RNF40: variants seen among roughly 807,000 people sequenced by gnomAD.
The protein encoded by RNF40 is E3 ubiquitin-protein ligase BRE1B.
In RNF40, 39 loss-of-function variants were observed where a neutral mutation model predicts 123.3. The observed-to-expected ratio is 0.32, with a 90% CI of 0.24 to 0.41. The LOEUF is 0.41. Ranked by LOEUF, RNF40 falls within the 10% of genes least tolerant of loss-of-function variation. The probability of loss-of-function intolerance (pLI) is 1.00; values close to 1 mark genes in which losing one functional copy is unlikely to be tolerated. For missense variants in RNF40, 1,003 were observed against 1,319.9 expected (o/e 0.76, Z 3.72); for synonymous variants, 538 against 526.0 (o/e 1.02, Z -0.31).
intron 17 of RNF40, among the ~76,000 whole-genome samples, chr16:30,770,751 G>T (rs1482201255): frequency 6.6e-6 from 1 of 152,012 alleles, no homozygotes; most frequent in Non-Finnish European, 1.5e-5. Context: ...TAGCTCTGTT[G>T]CCCAGGCTGG....
At chr16:30,761,841 C>A, upstream of RNF40, 1 of 1,234,014 alleles carries the variant, frequency 8.1e-7, no homozygotes, top group Non-Finnish European at 1.1e-6. Flanking sequence ...CAAGGCCGGG[C>A]CCGTTCGCCT....
In RNF40 at chr16:30,768,439, G is replaced by A. The variant is rs371990879; in HGVS notation, c.1888G>A (p.Ala630Thr). 57 of 1,613,202 alleles carry A rather than the reference G, an allele frequency of 3.5e-5. No individual in the cohort carries two copies. The highest frequency in any genetic ancestry group is 1.0e-4 in the Admixed American group (6 of 59,852). ...PSLGPPPVAS[A>T]LSRADREKAK... is the part of the protein sequence containing the mutation. Reference sequence around the variant, plus strand: ...CCTAGGACCTCCACCTGTAGCCTCCGCTCTCTCAAGGGCTGATCGGGAGAA... The same window carrying A: ...CCTAGGACCTCCACCTGTAGCCTCCACTCTCTCAAGGGCTGATCGGGAGAA... The change falls in exon 13 of 20, where the codon GCT (alanine) becomes ACT (threonine). Residue 630 changes from alanine (A) to threonine (T), a missense_variant. Around this residue, in one of 11 missense-constraint regions of RNF40, gnomAD observed 295 missense variants for 331.7 expected, o/e 0.89. Coordinates refer to ENST00000324685, the MANE Select transcript of RNF40 (RefSeq NM_014771.4). This position sits in a 1 kb window ranked among gnomAD's most constrained non-coding sequence, Gnocchi z 4.1.
At chr16:30,762,233 C>T, upstream of RNF40, 1 of 387,650 alleles carries the variant, frequency 2.6e-6, no homozygotes, top group Non-Finnish European at 4.6e-6. Context: ...AAGAAGTTTC[C>T]TCACATCCGG....
At position 30,771,915 on chromosome 16, in the gene RNF40, G is replaced by A. The variant is rs2054154788; in HGVS notation, c.2669G>A (p.Cys890Tyr). The A allele has an allele frequency of 1.2e-6, 2 of 1,609,304 alleles. No homozygotes were observed. The highest frequency in any genetic ancestry group is 1.7e-6 in the Non-Finnish European group (2 of 1,176,902). Residue 890 changes from cysteine (C) to tyrosine (Y), a missense_variant, in exon 18 of 20, where the codon TGC becomes TAC. Coordinates refer to ENST00000324685, the MANE Select transcript of RNF40 (RefSeq NM_014771.4). ...ACTCGGCTGCGGGAGATCCAGCCCT[G>A]CCTGGCAGAGAGCCGGGCTGCTCGT... ...VQTRLREIQPCLAESRAAREK... is the reference protein window; with the variant it reads ...VQTRLREIQPYLAESRAAREK...
chr16:30,763,352 G>T (rs2053933499), intron 3 of RNF40, 66 bp from the exon 4 acceptor site: 1 of 1,607,700 alleles, frequency 6.2e-7, no homozygotes, highest in Admixed American at 1.7e-5. Context: ...TCCCCTGCTA[G>T]GAAAGGAGTA....
rs372843648 is a variant in RNF40, at chr16:30,765,470, G to A, written c.964G>A (p.Gly322Arg). Residue 322 changes from glycine to arginine, a missense_variant, in exon 8 of 20, where the codon GGG becomes AGG. Coordinates refer to ENST00000324685, the MANE Select transcript of RNF40 (RefSeq NM_014771.4). ...YVSGSSSGFQ[G>R]GQITLSMQKF... Reference sequence around the variant, plus strand: ...ATCTGGGAGCTCCTCAGGCTTCCAGGGGGGCCAGATCACACTCAGCATGCA... The same window carrying A: ...ATCTGGGAGCTCCTCAGGCTTCCAGAGGGGCCAGATCACACTCAGCATGCA... The A allele has an allele frequency of 3.7e-6, 6 of 1,614,076 alleles. No homozygotes were observed. Among genetic ancestry groups the A allele is most frequent in the Non-Finnish European group, 5.1e-6 (6 of 1,180,010 alleles).
At chr16:30,772,261 A>T (rs1391169658) in intron 19 of RNF40, 71 bp downstream of exon 19, 1 of 1,253,964 alleles carries the variant, frequency 8.0e-7, no homozygotes, top group Non-Finnish European at 1.1e-6. Context: ...AGACTAGTGG[A>T]GAGTCTGGGG....
Position 30,768,917 on chromosome 16 carries a change from C to G in RNF40, c.2177C>G (p.Ala726Gly), listed in dbSNP as rs2054094648. 21 of 1,614,148 alleles carry G rather than the reference C, an allele frequency of 1.3e-5. No individual in the cohort carries two copies. The highest frequency in any genetic ancestry group is 1.8e-5 in the Non-Finnish European group (21 of 1,180,040). Residue 726 changes from alanine to glycine, a missense_variant, in exon 15 of 20, where the codon GCC becomes GGC. Physicochemically the swap from Ala to Gly is moderately conservative, Grantham distance 60. This residue lies in a region of RNF40 where 295 missense variants were observed against 331.7 expected (regional missense o/e 0.89). Transcript: ENST00000324685. The surrounding 1 kb of genome is among the most constrained non-coding windows in gnomAD (Gnocchi z 4.1). ...RESKKIADEDALRRIRQAEEQ... is the reference protein window; with the variant it reads ...RESKKIADEDGLRRIRQAEEQ... ...AGCAAGAAGATCGCGGATGAGGATGCCCTGCGGCGCATTCGGCAGGCAGAG... is the reference window on the plus strand; with the variant it reads ...AGCAAGAAGATCGCGGATGAGGATGGCCTGCGGCGCATTCGGCAGGCAGAG...
chr16:30,763,272 G>C lies in RNF40; in HGVS notation c.287G>C (p.Arg96Pro). Residue 96 changes from arginine (R) to proline (P), a missense_variant, in exon 3 of 20, where the codon CGC becomes CCC. Physicochemically the swap from Arg to Pro is moderately radical, Grantham distance 103. Transcript: ENST00000324685. ...TDDATLLIVN[R>P]YWAQLDETVE... ...GATGCCACACTCCTCATCGTCAATC[G>C]CTACTGGGCCCAGGTGGATACCTTC... 1 of 1,614,160 alleles carries C rather than the reference G, an allele frequency of 6.2e-7. No homozygotes were observed. The highest frequency in any genetic ancestry group is 8.5e-7 in the Non-Finnish European group (1 of 1,180,030).
At chr16:30,762,761 C>G (rs1028216186) in intron 2 of RNF40, 84 bp downstream of exon 2, 4 of 1,540,170 alleles carry the variant, frequency 2.6e-6, no homozygotes, top group Non-Finnish European at 2.6e-6. Context: ...ATCTTACACC[C>G]ACTTCCCCAA....
At chr16:30,767,308 G>A (rs528447617) in intron 11 of RNF40, among the ~76,000 whole-genome samples, 2 of 152,336 alleles carry the variant, frequency 1.3e-5, no homozygotes, top group African/African-American at 4.8e-5. Context: ...AATGGAAAAT[G>A]TGTTAGCTCT....
At chr16:30,761,937 A>C (rs1311583930), upstream of RNF40, 6 of 615,482 alleles carry the variant, frequency 9.7e-6, no homozygotes, top group East Asian at 1.8e-4. Flanking sequence ...ACGGTTGCCA[A>C]GGGGGCTTGT....
At chr16:30,767,035 C>T (rs1016732412) in intron 11 of RNF40, among the ~76,000 whole-genome samples, 159 bp downstream of exon 11, 15 of 152,290 alleles carry the variant, frequency 9.8e-5, no homozygotes, top group African/African-American at 3.6e-4. Context: ...GGCTCCCAGG[C>T]ACAGTGAGGG....
In RNF40 at chr16:30,775,028, C is replaced by G; in HGVS notation, c.*914C>G. ...GACACCCTGTGACTGAGCCTGTGTC[C>G]TGTCTGCCTGCCCAGCCATGCTCCA... On this transcript the variant is annotated 3_prime_UTR_variant, in exon 20 of 20. Coordinates refer to ENST00000324685, the MANE Select transcript of RNF40 (RefSeq NM_014771.4). 2.2e-6 allele frequency: 1 copy of G among 456,534 alleles called. No homozygotes were observed. 28.3% of individuals were successfully genotyped at this position (456,534 alleles called of 1,614,324 possible).
Position 30,774,137 on chromosome 16 carries a change from G to T in RNF40, c.*23G>T. ...TGAACCTGAAACTCAGGGGACTCTG[G>T]AACACCATGGACCCTGGGGGCTGTG... On this transcript the variant is annotated 3_prime_UTR_variant, in exon 20 of 20. Coordinates refer to ENST00000324685, the MANE Select transcript of RNF40 (RefSeq NM_014771.4). 6.2e-7 allele frequency: 1 copy of T among 1,603,334 alleles called. No homozygotes were observed. The highest frequency in any genetic ancestry group is 1.1e-5 in the South Asian group (1 of 89,886).
chr16:30,769,599 A>AGGTGAGGCTGGGCCAGG lies in RNF40; in HGVS notation c.2586+2_2586+18dup, dbSNP rs1182924190. Reference sequence around the variant, plus strand: ...CAAGCCCTGGAGCTCAACAAGCGGAAGGTGAGGCTGGGCCAGGGGGACACA... The same window carrying AGGTGAGGCTGGGCCAGG: ...CAAGCCCTGGAGCTCAACAAGCGGAAGGTGAGGCTGGGCCAGGGGTGAGGCTGGGCCAGGGGGACACA... On this transcript the variant is annotated frameshift_variant and splice_region_variant, in exon 17 of 20. Transcript: ENST00000324685. LOFTEE classifies it high-confidence loss of function. The AGGTGAGGCTGGGCCAGG allele has an allele frequency of 1.9e-5, 30 of 1,571,432 alleles. No individual in the cohort carries two copies. The highest frequency in any genetic ancestry group is 2.7e-5 in the African/African-American group (2 of 73,948).
chr16:30,775,650 C>G lies in RNF40; in HGVS notation c.*1536C>G, dbSNP rs1442483294. ...GCAATCGGCCTCGGGAGCGGTGCGG[C>G]GTGTACCGAGCGGCGCCCCTGGGCT... is the stretch of plus-strand genomic sequence containing the variant. On this transcript the variant is annotated 3_prime_UTR_variant, in exon 20 of 20. Transcript: ENST00000324685. 1.3e-5 allele frequency: 2 copies of G among 153,238 alleles called. No homozygotes were observed. The highest frequency in any genetic ancestry group is 3.9e-4 in the East Asian group (2 of 5,184). The allele number at this position is 153,238 out of a possible 1,614,324, so 9.5% of individuals were successfully genotyped here.
chr16:30,774,126 A>G lies in RNF40; in HGVS notation c.*12A>G, dbSNP rs1217043062. On this transcript the variant is annotated 3_prime_UTR_variant, in exon 20 of 20. Coordinates refer to ENST00000324685, the MANE Select transcript of RNF40 (RefSeq NM_014771.4). ...TCTACATCAGCTGAACCTGAAACTC[A>G]GGGGACTCTGGAACACCATGGACCC... 1 of 1,607,714 alleles carries G rather than the reference A, an allele frequency of 6.2e-7. No homozygotes were observed. The highest frequency in any genetic ancestry group is 8.5e-7 in the Non-Finnish European group (1 of 1,175,358).
chr16:30,767,786 C>T (rs1462981969), intron 11 of RNF40, 108 bp from the exon 12 acceptor site: 3 of 1,449,238 alleles, frequency 2.1e-6, no homozygotes, highest in African/African-American at 2.8e-5. Flanking sequence ...CCGCAATGTT[C>T]CCCTCCTGCA....
Sources: allele counts gnomAD v4.1 joint callset (sites outside exome capture counted in the v4.1 genomes callset), GRCh38; gene constraint gnomAD v4.1.1; regional missense constraint gnomAD v4.1.1; non-coding constraint Gnocchi (gnomAD v3.1); transcripts MANE v1.5; gene names NCBI Gene and HGNC (gene_info 2026-07-23, HGNC 2026-07-21).